Variants in METTL8 observed in about 807,000 individuals in gnomAD.
METTL8 encodes the protein methyltransferase 8, tRNA N3-cytidine.
In METTL8, 32 loss-of-function variants were observed where a neutral mutation model predicts 48.7. The ratio of observed to expected loss-of-function variants is 0.66; its 90% CI spans 0.50 to 0.88. The LOEUF (loss-of-function observed/expected upper bound fraction) is 0.88. METTL8 is among the 40% of genes least tolerant of loss of function. METTL8 has a pLI of 0.00. For synonymous variants in METTL8, 136 were observed against 157.1 expected, an observed-to-expected ratio of 0.87 and a Z score of 1.01; for missense variants, 464 against 474.4, an observed-to-expected ratio of 0.98 and a Z score of 0.20.
chr2:171,349,560 T>C (rs766259063), intron 3 of METTL8, among the ~76,000 whole-genome samples: 5 of 152,204 alleles, frequency 3.3e-5, no homozygotes, highest in Non-Finnish European at 5.9e-5. Flanking sequence ...TAACCATTCA[T>C]CTGATGATGG....
At chr2:171,389,154 A>C (rs879233879) in intron 2 of METTL8, among the ~76,000 whole-genome samples, 1 of 152,216 alleles carries the variant, frequency 6.6e-6, no homozygotes, top group Admixed American at 6.5e-5. Flanking sequence ...AAGCTGAGAT[A>C]GGACAAAACC....
intron 1 of METTL8, among the ~76,000 whole-genome samples, chr2:171,397,377 A>AAAAC (rs1559172294): frequency 6.9e-6 from 1 of 144,260 alleles, no homozygotes; most frequent in Admixed American, 6.9e-5. Flanking sequence ...AAAAAAAAAA[A>AAAAC]AACAACATCA....
chr2:171,411,883 A>C (rs1018924849), intron 1 of METTL8, among the ~76,000 whole-genome samples: 1 of 152,232 alleles, frequency 6.6e-6, no homozygotes. Context: ...ATAACCTGCA[A>C]AATATTACAA....
chr2:171,388,041 A>T (rs1688246263), intron 2 of METTL8, among the ~76,000 whole-genome samples: 1 of 152,200 alleles, frequency 6.6e-6, no homozygotes, highest in Admixed American at 6.5e-5. Flanking sequence ...AAAGCCTATT[A>T]TTCAAAATGT....
At chr2:171,422,454 T>G (rs1187934993) in intron 1 of METTL8, among the ~76,000 whole-genome samples, 1 of 152,240 alleles carries the variant, frequency 6.6e-6, no homozygotes, top group Non-Finnish European at 1.5e-5. Context: ...ATAGTCAAAT[T>G]ATAACCATAA....
At chr2:171,423,712 C>G (rs1190269442) in intron 1 of METTL8, among the ~76,000 whole-genome samples, 1 of 152,110 alleles carries the variant, frequency 6.6e-6, no homozygotes, top group Admixed American at 6.6e-5. Flanking sequence ...AATTTCTAAG[C>G]AGCAAAGTGC....
At chr2:171,432,640 T>G (rs1693197372) in intron 1 of METTL8, among the ~76,000 whole-genome samples, 1 of 152,204 alleles carries the variant, frequency 6.6e-6, no homozygotes, top group African/African-American at 2.4e-5. Flanking sequence ...CACTCTACCG[T>G]ATGCTGTAAA....
chr2:171,421,711 C>T (rs1048693242), intron 1 of METTL8, among the ~76,000 whole-genome samples: 1 of 152,030 alleles, frequency 6.6e-6, no homozygotes, highest in Admixed American at 6.6e-5. Flanking sequence ...ATTGAAAATA[C>T]AGTATTTGGA....
At chr2:171,407,505 T>G (rs989489776) in intron 1 of METTL8, among the ~76,000 whole-genome samples, 1 of 152,094 alleles carries the variant, frequency 6.6e-6, no homozygotes, top group Non-Finnish European at 1.5e-5. Flanking sequence ...GCTCTTACAG[T>G]GTGGCCAAAA....
chr2:171,363,147 T>C (rs1412961681), intron 2 of METTL8, among the ~76,000 whole-genome samples: 1 of 152,194 alleles, frequency 6.6e-6, no homozygotes, highest in African/African-American at 2.4e-5. Context: ...CCTTACACTG[T>C]TCTTTATGTT....
chr2:171,366,677 T>C (rs1389961334), intron 2 of METTL8, among the ~76,000 whole-genome samples: 2 of 152,036 alleles, frequency 1.3e-5, no homozygotes, highest in Non-Finnish European at 2.9e-5. Context: ...AAATGAAAAC[T>C]TCTTTTTAAA....
intron 7 of METTL8, among the ~76,000 whole-genome samples, chr2:171,328,019 T>G (rs561681920): frequency 6.6e-6 from 1 of 152,334 alleles, no homozygotes; most frequent in Admixed American, 6.5e-5. Flanking sequence ...GGGTTGAGGA[T>G]AAAGGCAAGG....
At chr2:171,409,994 T>C (rs1161072810) in intron 1 of METTL8, among the ~76,000 whole-genome samples, 1 of 152,160 alleles carries the variant, frequency 6.6e-6, no homozygotes, top group Non-Finnish European at 1.5e-5. Context: ...GGAAACTATA[T>C]AAACTTAAAA....
chr2:171,433,500 T>G (rs1282986603), intron 1 of METTL8, among the ~76,000 whole-genome samples: 1 of 152,014 alleles, frequency 6.6e-6, no homozygotes, highest in Non-Finnish European at 1.5e-5. Context: ...GTGGGACACA[T>G]GTGGTGCAAG....
chr2:171,368,982 A>C (rs576800182), intron 2 of METTL8, among the ~76,000 whole-genome samples: 206 of 152,076 alleles, frequency 1.4e-3, no homozygotes, highest in Non-Finnish European at 2.0e-3. Context: ...ATCAAAAAAA[A>C]CCCCACAATT....
At chr2:171,396,018 T>C (rs1258812516) in intron 1 of METTL8, among the ~76,000 whole-genome samples, 1 of 152,172 alleles carries the variant, frequency 6.6e-6, no homozygotes, top group Non-Finnish European at 1.5e-5. Context: ...ATGCCTGTAA[T>C]ACCAGCACTT....
At chr2:171,355,058 T>C (rs1480956612) in intron 3 of METTL8, among the ~76,000 whole-genome samples, 4 of 152,224 alleles carry the variant, frequency 2.6e-5, no homozygotes, top group Admixed American at 1.3e-4. Context: ...ATTTTTAGGA[T>C]TTTCAGCTTT....
At chr2:171,372,610 T>C (rs534657040) in intron 2 of METTL8, among the ~76,000 whole-genome samples, 1 of 152,150 alleles carries the variant, frequency 6.6e-6, no homozygotes, top group African/African-American at 2.4e-5. Flanking sequence ...ATTAGGTACA[T>C]CTCCTAATGC....
intron 2 of METTL8, among the ~76,000 whole-genome samples, chr2:171,372,448 T>C (rs1438845522): frequency 6.6e-6 from 1 of 152,102 alleles, no homozygotes; most frequent in Non-Finnish European, 1.5e-5. Context: ...CAAAGGTGTA[T>C]ATACATGTAA....
Sources: allele counts gnomAD v4.1 joint callset (sites outside exome capture counted in the v4.1 genomes callset), GRCh38; gene constraint gnomAD v4.1.1; transcripts MANE v1.5; gene names NCBI Gene and HGNC (gene_info 2026-07-23, HGNC 2026-07-21).